Variants in AFF3 observed in about 807,000 individuals in gnomAD.
AFF3 encodes AF4/FMR2 family member 3.
AFF3 carries 32 observed loss-of-function variants against 129.7 expected under a neutral mutation model. That is an observed-to-expected ratio of 0.25 (90% confidence interval 0.19 to 0.33). The LOEUF (loss-of-function observed/expected upper bound fraction) is 0.33. AFF3 is among the 10% of genes least tolerant of loss of function. The probability of loss-of-function intolerance (pLI) is 1.00; values close to 1 mark genes in which losing one functional copy is unlikely to be tolerated. For synonymous variants in AFF3, 644 were observed against 635.4 expected (o/e 1.01, Z -0.20); for missense variants, 1,373 against 1,592.0 (o/e 0.86, Z 2.34).
intron 4 of AFF3, among the ~76,000 whole-genome samples, chr2:100,072,180 C>T (rs114549088): frequency 0.024 from 3,706 of 152,230 alleles, 140 homozygotes; most frequent in African/African-American, 0.083. Context: ...CTGGGCCGCA[C>T]AGCAGGAGGT....
chr2:99,744,783 C>A (rs764618637), intron 9 of AFF3, among the ~76,000 whole-genome samples: 9 of 152,134 alleles, frequency 5.9e-5, no homozygotes, highest in Non-Finnish European at 8.8e-5. Flanking sequence ...ATCCATTCAT[C>A]TGTTAATGGG....
At chr2:100,107,667 T>G (rs1009261343) in intron 2 of AFF3, among the ~76,000 whole-genome samples, 11 of 152,262 alleles carry the variant, frequency 7.2e-5, no homozygotes, top group African/African-American at 1.9e-4. Flanking sequence ...GAGGAGCTGC[T>G]TGGCTTCCCG....
At chr2:100,129,582 T>G (rs1692336403) in intron 1 of AFF3, among the ~76,000 whole-genome samples, 1 of 152,318 alleles carries the variant, frequency 6.6e-6, no homozygotes, top group East Asian at 1.9e-4. Flanking sequence ...CTTCACAAAA[T>G]GCCCCACCAG....
intron 4 of AFF3, among the ~76,000 whole-genome samples, chr2:100,011,205 C>T (rs1422745665): frequency 3.3e-5 from 5 of 152,086 alleles, no homozygotes; most frequent in African/African-American, 7.2e-5. Flanking sequence ...ACCCGGGAGG[C>T]GGAGCTTGCA....
chr2:100,074,213 C>A (rs1018556078), intron 4 of AFF3, among the ~76,000 whole-genome samples: 3 of 152,216 alleles, frequency 2.0e-5, no homozygotes, highest in African/African-American at 7.2e-5. Context: ...ACTCTGCTGA[C>A]CCCTCACTCC....
At chr2:99,670,402 A>G (rs578148089) in intron 12 of AFF3, among the ~76,000 whole-genome samples, 185 of 152,212 alleles carry the variant, frequency 1.2e-3, no homozygotes, top group African/African-American at 4.4e-3. Context: ...TTTTTCATAC[A>G]CTGTAGTGTT....
intron 4 of AFF3, among the ~76,000 whole-genome samples, chr2:100,050,663 T>C (rs974516550): frequency 1.3e-5 from 2 of 152,182 alleles, no homozygotes; most frequent in Non-Finnish European, 2.9e-5. Flanking sequence ...CACACTTTCT[T>C]AAAGGAAAGT....
chr2:99,886,702 A>G (rs527574920), intron 7 of AFF3, among the ~76,000 whole-genome samples: 14 of 152,320 alleles, frequency 9.2e-5, no homozygotes, highest in Non-Finnish European at 1.6e-4. Context: ...AAACTGAAAA[A>G]AATTAGTGAT....
chr2:100,139,240 C>T (rs1376121987), intron 1 of AFF3, among the ~76,000 whole-genome samples: 3 of 152,180 alleles, frequency 2.0e-5, no homozygotes, highest in Admixed American at 6.5e-5. Context: ...ATGGTCTCCA[C>T]ATTGCTCCTT....
intron 8 of AFF3, among the ~76,000 whole-genome samples, chr2:99,778,212 C>T (rs553145107): frequency 6.6e-6 from 1 of 152,278 alleles, no homozygotes; most frequent in East Asian, 1.9e-4. Flanking sequence ...TTCTCCTCCT[C>T]CTTCCTCTGG....
chr2:99,952,115 T>C (rs34531393), intron 7 of AFF3, among the ~76,000 whole-genome samples: 4 of 152,212 alleles, frequency 2.6e-5, no homozygotes, highest in African/African-American at 4.8e-5. Flanking sequence ...CGTCGAATTA[T>C]AATTCCCAAT....
At chr2:99,855,205 C>A (rs961557357) in intron 7 of AFF3, among the ~76,000 whole-genome samples, 1 of 152,056 alleles carries the variant, frequency 6.6e-6, no homozygotes, top group African/African-American at 2.4e-5. Context: ...TAAAGGGTTT[C>A]TTTTGGGTGT....
chr2:99,727,315 G>C (rs542315074), intron 10 of AFF3, among the ~76,000 whole-genome samples, 187 bp from the exon 11 acceptor site: 5 of 152,256 alleles, frequency 3.3e-5, no homozygotes, highest in Admixed American at 2.6e-4. Context: ...CAATGCAACT[G>C]CCCAGGCACA....
chr2:100,011,000 C>A (rs1358869445), intron 4 of AFF3, among the ~76,000 whole-genome samples: 1 of 152,176 alleles, frequency 6.6e-6, no homozygotes, highest in Non-Finnish European at 1.5e-5. Flanking sequence ...AGCAGCCGGG[C>A]GCTGTGGCTC....
chr2:99,783,477 CCT>C (rs1405605710), intron 8 of AFF3, among the ~76,000 whole-genome samples: 1 of 152,172 alleles, frequency 6.6e-6, no homozygotes, highest in East Asian at 1.9e-4. Context: ...GGAACTCTGG[CCT>C]CTCTCACGAG....
chr2:99,663,282 C>G (rs1686402603), intron 12 of AFF3, among the ~76,000 whole-genome samples: 1 of 152,176 alleles, frequency 6.6e-6, no homozygotes, highest in Non-Finnish European at 1.5e-5. Context: ...TGGTAAAGAG[C>G]ACAGAATTGA....
intron 7 of AFF3, among the ~76,000 whole-genome samples, chr2:99,969,635 C>A (rs1415610591): frequency 6.6e-6 from 1 of 151,944 alleles, no homozygotes; most frequent in Non-Finnish European, 1.5e-5. Context: ...ATTACAGGTG[C>A]CTGCCACCCC....
chr2:99,708,859 C>T (rs1184959368), intron 11 of AFF3, among the ~76,000 whole-genome samples: 4 of 152,212 alleles, frequency 2.6e-5, no homozygotes, highest in South Asian at 2.1e-4. Flanking sequence ...TCCAAAATGC[C>T]GTTCTCTTAT....
chr2:99,582,754 A>G (rs1210863600), intron 17 of AFF3, 44 bp downstream of exon 17: 2 of 1,602,398 alleles, frequency 1.2e-6, no homozygotes, highest in African/African-American at 1.3e-5. Flanking sequence ...GGGGTGCTCA[A>G]TTTCATTTTG....
Sources: allele counts gnomAD v4.1 joint callset (sites outside exome capture counted in the v4.1 genomes callset), GRCh38; gene constraint gnomAD v4.1.1; transcripts MANE v1.5; gene names NCBI Gene and HGNC (gene_info 2026-07-23, HGNC 2026-07-21).